The following ZNF431 variants were observed in gnomAD, a reference collection of about 807,000 sequenced individuals.
ZNF431 encodes the protein zinc finger protein 431.
In ZNF431, 34 loss-of-function variants were observed where a neutral mutation model predicts 57.0. The ratio of observed to expected loss-of-function variants is 0.60; its 90% CI spans 0.45 to 0.79. The LOEUF is 0.79. ZNF431 is among the 30% of genes least tolerant of loss of function. The pLI is 0.00. For missense variants in ZNF431, 607 were observed against 667.1 expected (o/e 0.91, Z 0.99); for synonymous variants, 207 against 220.3 (o/e 0.94, Z 0.54).
intron 4 of ZNF431, chr19:21,175,416 T>G (rs1332686401): frequency 2.9e-6 from 2 of 696,558 alleles, no homozygotes; most frequent in Admixed American, 4.1e-5. Context: ...TTGTTGTTCT[T>G]TTTTTAAGTT....
chr19:21,182,609 T>C lies in ZNF431; in HGVS notation c.320-14T>C. 6.4e-7 allele frequency: 1 copy of C among 1,572,376 alleles called. No individual in the cohort carries two copies. The highest frequency in any genetic ancestry group is 8.6e-7 in the Non-Finnish European group (1 of 1,163,816). ...CTAGTAAGTTGAATAATTTGTTGTT[T>C]GTATTTCTTTCAGCTATGTGTTCTT... On this transcript the variant is annotated splice_polypyrimidine_tract_variant and intron_variant, in intron 4 of 4. Coordinates refer to ENST00000311048, the MANE Select transcript of ZNF431 (RefSeq NM_133473.4).
chr19:21,173,153 A>G (rs73541751), intron 4 of ZNF431, among the ~76,000 whole-genome samples: 11,803 of 152,190 alleles, frequency 0.078, 1,528 homozygotes, highest in African/African-American at 0.27. Context: ...ATTTCATTGA[A>G]TATATATGTT....
rs1243195328 is a variant in ZNF431, at chr19:21,183,520, G to C, written c.1217G>C (p.Gly406Ala). Residue 406 changes from glycine (G) to alanine (A), a missense_variant, in exon 5 of 5, where the codon GGC becomes GCC. Coordinates refer to ENST00000311048, the MANE Select transcript of ZNF431 (RefSeq NM_133473.4). ...AAACCCTACAAATGTGAAGTGTGTGGCAAAGCCTTTAATGAGTCCTCAAAC... is the reference window on the plus strand; with the variant it reads ...AAACCCTACAAATGTGAAGTGTGTGCCAAAGCCTTTAATGAGTCCTCAAAC... ...GEKPYKCEVC[G>A]KAFNESSNLT... 1 of 1,613,326 alleles carries C rather than the reference G, an allele frequency of 6.2e-7. No individual in the cohort carries two copies. The highest frequency in any genetic ancestry group is 1.7e-5 in the Admixed American group (1 of 59,966).
rs1568322383 is a variant in ZNF431 at position 21,192,945 on chromosome 19, C to A, written c.*8911C>A. ...GAGACTACTATGAACATCTCTATGC[C>A]TGCAAAATAGAAAATTTGGAGAAAA... On this transcript the variant is annotated 3_prime_UTR_variant, in exon 5 of 5. Coordinates refer to ENST00000311048, the MANE Select transcript of ZNF431 (RefSeq NM_133473.4). 6.6e-6 allele frequency: 1 copy of A among 152,026 alleles called. No individual in the cohort carries two copies. The highest frequency in any genetic ancestry group is 2.4e-5 in the African/African-American group (1 of 41,376). 9.4% of individuals were successfully genotyped at this position (152,026 alleles called of 1,614,324 possible). A position where few individuals can be genotyped will look rare whatever the true frequency, so the allele number is the denominator to read the frequency against.
intron 4 of ZNF431, among the ~76,000 whole-genome samples, chr19:21,171,712 A>ATAT (rs1216184359): frequency 1.2e-4 from 11 of 90,908 alleles, no homozygotes; most frequent in African/African-American, 5.0e-4. Context: ...ATATATATAT[A>ATAT]TTTTTTTTTT....
intron 4 of ZNF431, chr19:21,175,524 A>T (rs1429578079): frequency 1.5e-5 from 10 of 665,712 alleles, no homozygotes; most frequent in Non-Finnish European, 2.7e-5. Flanking sequence ...GCACCTATTA[A>T]CCTCTCACCT....
chr19:21,172,838 A>G (rs963429764), intron 4 of ZNF431, among the ~76,000 whole-genome samples: 4 of 152,182 alleles, frequency 2.6e-5, no homozygotes, highest in African/African-American at 9.7e-5. Context: ...ATATATTCAC[A>G]TTGTTCTGCA....
intron 2 of ZNF431, among the ~76,000 whole-genome samples, chr19:21,148,063 T>C (rs1970154492): frequency 6.6e-6 from 1 of 151,998 alleles, no homozygotes. Flanking sequence ...TGGCAGGATC[T>C]CAGCTCACTG....
chr19:21,172,301 G>GCC (rs1970922247), intron 4 of ZNF431, among the ~76,000 whole-genome samples: 1 of 150,842 alleles, frequency 6.6e-6, no homozygotes, highest in Non-Finnish European at 1.5e-5. Context: ...GGTGGTGTAT[G>GCC]TGTGTAATTT....
At chr19:21,166,904 C>T (rs1468532446) in intron 3 of ZNF431, among the ~76,000 whole-genome samples, 4 of 152,034 alleles carry the variant, frequency 2.6e-5, no homozygotes, top group African/African-American at 7.2e-5. Flanking sequence ...ACCCTGTCAC[C>T]CAGGCCGGAG....
At position 21,183,250 on chromosome 19, in the gene ZNF431, A is replaced by T; in HGVS notation, c.947A>T (p.Tyr316Phe). ...HKIIHTGEKP[Y>F]KCEECGKAFN... ...ATAATTCATACTGGAGAGAAGCCCT[A>T]CAAATGTGAAGAATGTGGCAAAGCT... Residue 316 changes from tyrosine to phenylalanine, a missense_variant, in exon 5 of 5, where the codon TAC (tyrosine) becomes TTC (phenylalanine). By Grantham distance (22) the Tyr-to-Phe change is conservative. Coordinates refer to ENST00000311048, the MANE Select transcript of ZNF431 (RefSeq NM_133473.4). 1 of 1,613,982 alleles carries T rather than the reference A, an allele frequency of 6.2e-7. No individual in the cohort carries two copies. Among genetic ancestry groups the T allele is most frequent in the Non-Finnish European group, 8.5e-7 (1 of 1,179,954 alleles).
In ZNF431 at chr19:21,181,166, G is replaced by C. The variant is rs749556700; in HGVS notation, c.320-1457G>C. 1.4e-4 allele frequency among the ~76,000 whole-genome samples: 22 copies of C among 152,000 alleles called. 1 individual carries two copies. Among genetic ancestry groups the C allele is most frequent in the Middle Eastern group, 6.8e-3 (2 of 294 alleles). ...TAAGAAATTCCATTTTTGTGTATGT[G>C]CATTTTTTTTCCCAGAGAATAATGT... On this transcript the variant is annotated intron_variant, in intron 4 of 4. Coordinates refer to ENST00000311048, the MANE Select transcript of ZNF431 (RefSeq NM_133473.4).
At chr19:21,173,963 T>G (rs1970978281) in intron 4 of ZNF431, among the ~76,000 whole-genome samples, 1 of 151,960 alleles carries the variant, frequency 6.6e-6, no homozygotes, top group Non-Finnish European at 1.5e-5. Flanking sequence ...TTTTCTTTTT[T>G]TTTTGGGAGT....
intron 4 of ZNF431, among the ~76,000 whole-genome samples, chr19:21,170,564 C>A (rs981855165): frequency 6.7e-6 from 1 of 149,946 alleles, no homozygotes. Flanking sequence ...AATTTAAGTT[C>A]GCTGCAGGTA....
At position 21,147,161 on chromosome 19, in the gene ZNF431, A is replaced by G. The variant is rs142931930; in HGVS notation, c.96+3518A>G. ...AATGTTTTTTCTCTATTCTAATGTC[A>G]CAATTTCTAAAGTTATCACAAACTT... is the stretch of plus-strand genomic sequence containing the variant. On this transcript the variant is annotated intron_variant, in intron 2 of 4. Transcript: ENST00000311048. Among the ~76,000 whole-genome samples the G allele has an allele frequency of 6.3e-4, 96 of 152,252 alleles. 1 individual carries two copies. Among genetic ancestry groups the G allele is most frequent in the African/African-American group, 2.0e-3 (84 of 41,548 alleles).
rs2145067155 is a variant in ZNF431, at chr19:21,187,440, A to C, written c.*3406A>C. 8.6e-6 allele frequency: 1 copy of C among 116,002 alleles called. No homozygotes were observed. The highest frequency in any genetic ancestry group is 2.9e-5 in the African/African-American group (1 of 33,928). The allele number at this position is 116,002 out of a possible 1,614,324, so 7.2% of individuals were successfully genotyped here. On this transcript the variant is annotated 3_prime_UTR_variant, in exon 5 of 5. Coordinates refer to ENST00000311048, the MANE Select transcript of ZNF431 (RefSeq NM_133473.4). ...ACAGAGCGAGACTCCATATAAAAAA[A>C]AAAAAAAAAAAAAAAGAGCTGGGCG...
At position 21,182,691 on chromosome 19, in the gene ZNF431, A is replaced by T. The variant is rs1217702978; in HGVS notation, c.388A>T (p.Ile130Leu). The stretch of plus-strand genomic sequence containing the variant: ...CATAAAAGATTCTTTTCAACAAGTA[A>T]TACTGAGAAGATATGGCAAATGTGA... ...QDIKDSFQQV[I>L]LRRYGKCEHE... Residue 130 changes from isoleucine (I) to leucine (L), a missense_variant, in exon 5 of 5, where the codon ATA becomes TTA. Physicochemically the swap from Ile to Leu is conservative, Grantham distance 5 (BLOSUM62 2). Coordinates refer to ENST00000311048, the MANE Select transcript of ZNF431 (RefSeq NM_133473.4). 1 of 1,613,860 alleles carries T rather than the reference A, an allele frequency of 6.2e-7. No homozygotes were observed. The highest frequency in any genetic ancestry group is 8.5e-7 in the Non-Finnish European group (1 of 1,179,842).
intron 4 of ZNF431, among the ~76,000 whole-genome samples, chr19:21,174,764 G>A (rs1971002331): frequency 1.3e-5 from 2 of 151,882 alleles, no homozygotes; most frequent in South Asian, 2.1e-4. Context: ...ATGTATTTAT[G>A]TATGTATTTT....
chr19:21,142,127 C>A lies in ZNF431; in HGVS notation c.-57C>A. The A allele has an allele frequency of 6.2e-7, 1 of 1,609,278 alleles. No homozygotes were observed. The highest frequency in any genetic ancestry group is 8.5e-7 in the Non-Finnish European group (1 of 1,176,612). ...AGGCCCAACATCTGTGGCCCTGTGA[C>A]CTGCAGGTATTGGGAGACCCACAGC... On this transcript the variant is annotated 5_prime_UTR_variant, in exon 1 of 5. Transcript: ENST00000311048.
Sources: gnomAD v4.1 joint callset for allele counts (sites outside exome capture counted in the v4.1 genomes callset) on GRCh38, gnomAD v4.1.1 for gene constraint, MANE v1.5 for transcripts, NCBI Gene and HGNC (gene_info 2026-07-23, HGNC 2026-07-21) for gene names.